Variants in CDH19 observed in about 807,000 individuals in gnomAD.
CDH19 encodes cadherin 19.
Under a neutral mutation model 64.2 loss-of-function variants are expected in CDH19, and 67 were observed. That is an observed-to-expected ratio of 1.04 (90% CI 0.86 to 1.28). CDH19 has a LOEUF of 1.28. CDH19 is among the 50% of genes most tolerant of loss of function. The pLI, the probability that CDH19 is intolerant of heterozygous loss-of-function variation, is 0.00. For missense variants in CDH19, 1,030 were observed against 929.0 expected, an observed-to-expected ratio of 1.11 and a Z score of -1.41; for synonymous variants, 346 against 319.3, an observed-to-expected ratio of 1.08 and a Z score of -0.89.
intron 1 of CDH19, among the ~76,000 whole-genome samples, chr18:66,576,065 C>G (rs1242887822): frequency 1.3e-5 from 2 of 151,168 alleles, no homozygotes; most frequent in African/African-American, 4.9e-5. Flanking sequence ...GAGTTTACTA[C>G]AGGCTACAAA....
At chr18:66,509,599 T>C (rs1335879632) in intron 10 of CDH19, among the ~76,000 whole-genome samples, 5 of 151,768 alleles carry the variant, frequency 3.3e-5, no homozygotes, top group Non-Finnish European at 4.4e-5. Context: ...ATATAAAACA[T>C]ACGTGTAACA....
intron 1 of CDH19, among the ~76,000 whole-genome samples, chr18:66,603,118 C>T (rs553567631): frequency 3.1e-4 from 47 of 150,238 alleles, no homozygotes; most frequent in African/African-American, 1.1e-3. Flanking sequence ...CTAAAGAAAA[C>T]CTTTGCCACT....
chr18:66,599,445 G>A (rs983919563), intron 1 of CDH19, among the ~76,000 whole-genome samples: 8 of 152,072 alleles, frequency 5.3e-5, no homozygotes, highest in African/African-American at 1.7e-4. Context: ...TCTCAGACAG[G>A]AGGAGTATGT....
intron 9 of CDH19, among the ~76,000 whole-genome samples, chr18:66,527,643 G>A (rs1236634879): frequency 3.3e-5 from 5 of 151,856 alleles, no homozygotes; most frequent in African/African-American, 1.2e-4. Flanking sequence ...TCCACTACTC[G>A]GGAGGCTAAG....
chr18:66,555,059 G>A (rs1987468152), intron 3 of CDH19, among the ~76,000 whole-genome samples: 1 of 151,692 alleles, frequency 6.6e-6, no homozygotes, highest in South Asian at 2.1e-4. Context: ...TACTTCCTTT[G>A]ATGAATTTTT....
chr18:66,596,221 C>G (rs537528907), intron 1 of CDH19: 5 of 151,968 alleles, frequency 3.3e-5, no homozygotes, highest in African/African-American at 1.2e-4. Flanking sequence ...AATGGGCAAG[C>G]GCTGGAAACA....
At chr18:66,551,291 A>C in intron 4 of CDH19, 33 bp from the exon 5 acceptor site, 2 of 1,101,048 alleles carry the variant, frequency 1.8e-6, no homozygotes, top group Non-Finnish European at 1.4e-6. Context: ...CAATTATTTC[A>C]TTATTAATCA....
At position 66,568,719 on chromosome 18, in the gene CDH19, G is replaced by A; in HGVS notation, c.196-9C>T. On this transcript the variant is annotated splice_polypyrimidine_tract_variant and intron_variant, in intron 2 of 11. Coordinates refer to ENST00000262150, the MANE Select transcript of CDH19 (RefSeq NM_021153.4). Reference sequence around the variant, plus strand: ...TCTAAATCAGATCTTAGCTGCAAATGGAAAGAGGGATCATTTAGTTTCCAA... The same window carrying A: ...TCTAAATCAGATCTTAGCTGCAAATAGAAAGAGGGATCATTTAGTTTCCAA... The A allele has an allele frequency of 1.0e-5, 16 of 1,571,882 alleles. No individual in the cohort carries two copies. Among genetic ancestry groups the A allele is most frequent in the Non-Finnish European group, 1.4e-5 (16 of 1,162,374 alleles).
intron 1 of CDH19, among the ~76,000 whole-genome samples, chr18:66,592,142 T>C (rs1465121590): frequency 6.6e-6 from 1 of 151,944 alleles, no homozygotes; most frequent in Non-Finnish European, 1.5e-5. Flanking sequence ...AGAGATGAAC[T>C]ATGATTAATT....
At chr18:66,573,991 TTAATA>T (rs1304550461) in intron 1 of CDH19, among the ~76,000 whole-genome samples, 1 of 151,566 alleles carries the variant, frequency 6.6e-6, no homozygotes, top group African/African-American at 2.4e-5. Flanking sequence ...AGAAAAAATT[TTAATA>T]TAATAAAATA....
chr18:66,582,699 A>G (rs1988460863), intron 1 of CDH19, among the ~76,000 whole-genome samples: 1 of 150,910 alleles, frequency 6.6e-6, no homozygotes, highest in African/African-American at 2.4e-5. Flanking sequence ...GAGTCAGAAT[A>G]GCTATACTGG....
chr18:66,567,605 T>G (rs1987956582), intron 3 of CDH19, among the ~76,000 whole-genome samples: 1 of 151,906 alleles, frequency 6.6e-6, no homozygotes, highest in Non-Finnish European at 1.5e-5. Flanking sequence ...ATATGTATTT[T>G]TGGAATCATT....
At chr18:66,560,693 C>T (rs1440053668) in intron 3 of CDH19, among the ~76,000 whole-genome samples, 1 of 151,812 alleles carries the variant, frequency 6.6e-6, no homozygotes, top group South Asian at 2.1e-4. Flanking sequence ...TTACTCTTCC[C>T]AGCCTGGATT....
chr18:66,568,839 T>A, intron 2 of CDH19, 129 bp from the exon 3 acceptor site: 3 of 692,904 alleles, frequency 4.3e-6, no homozygotes, highest in Non-Finnish European at 7.0e-6. Context: ...CACATTACAT[T>A]AAATGAGGCA....
chr18:66,591,247 T>C lies in CDH19; in HGVS notation c.-113+12707A>G, dbSNP rs1390036287. The stretch of plus-strand genomic sequence containing the variant: ...GTTTAATAAAGGTCCTCATGTCATA[T>C]AAACATGAGATTTATTTAAATACTT... On this transcript the variant is annotated intron_variant, in intron 1 of 11. Coordinates refer to ENST00000262150, the MANE Select transcript of CDH19 (RefSeq NM_021153.4). Among the ~76,000 whole-genome samples, 3 of 152,068 alleles carry C rather than the reference T, an allele frequency of 2.0e-5. No homozygotes were observed. In the East Asian group the frequency reaches 5.8e-4, roughly 29 times the overall value.
rs142623429 is a variant in CDH19, at chr18:66,586,443, G to A, written c.-112-14127C>T. Among the ~76,000 whole-genome samples, 70 of 152,094 alleles carry A rather than the reference G, an allele frequency of 4.6e-4. 1 individual carries two copies. Among genetic ancestry groups the A allele is most frequent in the African/African-American group, 1.6e-3 (65 of 41,518 alleles). On this transcript the variant is annotated intron_variant, in intron 1 of 11. Coordinates refer to ENST00000262150, the MANE Select transcript of CDH19 (RefSeq NM_021153.4). Reference sequence around the variant, plus strand: ...ATAAAGCCTTCGTGTGAAACAAATAGGAACACATGGCTCTGGGGGACTGGA... The same window carrying A: ...ATAAAGCCTTCGTGTGAAACAAATAAGAACACATGGCTCTGGGGGACTGGA...
intron 7 of CDH19, 82 bp downstream of exon 7, chr18:66,543,886 TAAA>T (rs999017871): frequency 9.6e-7 from 1 of 1,043,256 alleles, no homozygotes; most frequent in African/African-American, 1.6e-5. Context: ...CCCTCTCAAT[TAAA>T]AAAAAGATTG....
At chr18:66,586,417 T>C (rs552361298) in intron 1 of CDH19, among the ~76,000 whole-genome samples, 1 of 152,140 alleles carries the variant, frequency 6.6e-6, no homozygotes, top group African/African-American at 2.4e-5. Flanking sequence ...AAGCAAATAC[T>C]ATAAAGCCTT....
intron 7 of CDH19, among the ~76,000 whole-genome samples, chr18:66,539,451 T>A (rs1360109580): frequency 6.6e-6 from 1 of 152,150 alleles, no homozygotes; most frequent in Non-Finnish European, 1.5e-5. Context: ...ATTCATATTG[T>A]GCTGATTGTG....
Sources: gnomAD v4.1 joint callset for allele counts (sites outside exome capture counted in the v4.1 genomes callset) on GRCh38, gnomAD v4.1.1 for gene constraint, MANE v1.5 for transcripts, NCBI Gene and HGNC (gene_info 2026-07-23, HGNC 2026-07-21) for gene names.